Variants in ZBTB7C observed in about 807,000 individuals in gnomAD.
ZBTB7C encodes zinc finger and BTB domain containing 7C, also known as zinc finger and BTB domain-containing protein 7C.
ZBTB7C carries 8 observed loss-of-function variants against 25.7 expected under a neutral mutation model. That is an observed-to-expected ratio of 0.31 (90% CI 0.18 to 0.56). The LOEUF (loss-of-function observed/expected upper bound fraction) is 0.56, where lower values mean the gene tolerates loss of function less well. Ranked by LOEUF, ZBTB7C falls within the 20% of genes least tolerant of loss-of-function variation. The probability of loss-of-function intolerance (pLI) is 0.91; values close to 1 mark genes in which losing one functional copy is unlikely to be tolerated. For missense variants in ZBTB7C, 824 were observed against 855.2 expected (o/e 0.96, Z 0.46); for synonymous variants, 394 against 369.0 (o/e 1.07, Z -0.78).
At chr18:48,117,394 TCA>T (rs755206304) in intron 3 of ZBTB7C, among the ~76,000 whole-genome samples, 4 of 152,106 alleles carry the variant, frequency 2.6e-5, no homozygotes, top group Non-Finnish European at 5.9e-5. Flanking sequence ...TCACTTAATC[TCA>T]CTGTCTCAGT....
At chr18:48,122,726 T>C (rs992836661) in intron 3 of ZBTB7C, among the ~76,000 whole-genome samples, 1 of 152,132 alleles carries the variant, frequency 6.6e-6, no homozygotes, top group African/African-American at 2.4e-5. Context: ...ACTAGCTACT[T>C]TGGGCTTCCG....
intron 2 of ZBTB7C, among the ~76,000 whole-genome samples, chr18:48,302,991 C>A (rs1031834135): frequency 5.9e-5 from 9 of 152,214 alleles, no homozygotes; most frequent in Admixed American, 3.3e-4. Flanking sequence ...AGGATGGAAG[C>A]GGCATTGGAC....
intron 2 of ZBTB7C, among the ~76,000 whole-genome samples, chr18:48,208,652 T>C (rs570518872): frequency 8.5e-5 from 13 of 152,314 alleles, no homozygotes; most frequent in Admixed American, 2.6e-4. Context: ...TTTGTCAGCC[T>C]TTCTTCTCAT....
chr18:48,147,151 C>T (rs2040519198), intron 3 of ZBTB7C, among the ~76,000 whole-genome samples: 1 of 152,178 alleles, frequency 6.6e-6, no homozygotes, highest in Admixed American at 6.5e-5. Context: ...CATCTCGGCT[C>T]ACTGCAACCT....
intron 1 of ZBTB7C, among the ~76,000 whole-genome samples, chr18:48,395,460 AATGTGTGT>A (rs2048008240): frequency 3.6e-5 from 2 of 55,372 alleles, no homozygotes; most frequent in Non-Finnish European, 6.3e-5. Context: ...GTTCTATTCA[AATGTGTGT>A]GTGTGTGTGT....
At chr18:48,191,127 C>T (rs929835840) in intron 2 of ZBTB7C, among the ~76,000 whole-genome samples, 2 of 152,214 alleles carry the variant, frequency 1.3e-5, no homozygotes, top group Non-Finnish European at 2.9e-5. Flanking sequence ...CCTGCACACA[C>T]CCACCTTGCA....
chr18:48,408,135 G>A (rs13381350), intron 1 of ZBTB7C, among the ~76,000 whole-genome samples: 12,328 of 152,226 alleles, frequency 0.081, 760 homozygotes, highest in African/African-American at 0.17. Context: ...GGCAGCGCAC[G>A]CCACCCACCC....
intron 3 of ZBTB7C, among the ~76,000 whole-genome samples, chr18:48,119,501 T>G (rs1007219328): frequency 6.6e-6 from 1 of 152,276 alleles, no homozygotes; most frequent in Admixed American, 6.5e-5. Flanking sequence ...TCCAACAAAG[T>G]GCACTTGGAG....
rs1409327064 is a variant in ZBTB7C, at chr18:48,165,231, T to C, written c.-17+20703A>G. 5 of 731,826 alleles carry C rather than the reference T, an allele frequency of 6.8e-6. No homozygotes were observed. In the African/African-American group the frequency reaches 9.1e-5, roughly 13 times the overall value. 45.3% of individuals were successfully genotyped at this position (731,826 alleles called of 1,614,324 possible). A position where few individuals can be genotyped will look rare whatever the true frequency, so the allele number is the denominator to read the frequency against. On this transcript the variant is annotated intron_variant, in intron 3 of 4. Coordinates refer to ENST00000590800, the MANE Select transcript of ZBTB7C (RefSeq NM_001318841.2). ...TTAGAGGAGAGCTCCCAGCCTCCTG[T>C]TGGCCCACAGCTTAGAGCAGCTCTG...
At chr18:48,168,621 T>C (rs2041352905) in intron 3 of ZBTB7C, among the ~76,000 whole-genome samples, 1 of 152,182 alleles carries the variant, frequency 6.6e-6, no homozygotes, top group Non-Finnish European at 1.5e-5. Flanking sequence ...TCTTAGGTGC[T>C]GAAGAAGAAA....
chr18:48,194,573 A>G (rs2042273261), intron 2 of ZBTB7C, among the ~76,000 whole-genome samples: 2 of 151,596 alleles, frequency 1.3e-5, no homozygotes, highest in South Asian at 4.2e-4. Context: ...AGAGGCTTGC[A>G]GGATGGGGAG....
chr18:48,248,604 T>C (rs1487303904), intron 2 of ZBTB7C, among the ~76,000 whole-genome samples: 1 of 152,226 alleles, frequency 6.6e-6, no homozygotes, highest in Non-Finnish European at 1.5e-5. Flanking sequence ...ATTAGTTATG[T>C]TTTTGCTTAT....
chr18:48,317,463 C>A (rs980055304), intron 2 of ZBTB7C, among the ~76,000 whole-genome samples: 5 of 152,128 alleles, frequency 3.3e-5, no homozygotes, highest in African/African-American at 1.2e-4. Flanking sequence ...CCTAGGCCAG[C>A]CTCACCCCGA....
chr18:48,299,001 C>T (rs543079274), intron 2 of ZBTB7C, among the ~76,000 whole-genome samples: 22 of 152,336 alleles, frequency 1.4e-4, no homozygotes, highest in African/African-American at 5.0e-4. Flanking sequence ...TCACCATATT[C>T]TCCTCTAAGG....
chr18:48,260,071 CTT>C (rs1161682192), intron 2 of ZBTB7C, among the ~76,000 whole-genome samples: 1 of 152,146 alleles, frequency 6.6e-6, no homozygotes, highest in Non-Finnish European at 1.5e-5. Flanking sequence ...TTCATAGAAA[CTT>C]TATTTGTAAT....
chr18:48,044,117 C>T (rs2036372769), intron 3 of ZBTB7C, among the ~76,000 whole-genome samples: 1 of 152,196 alleles, frequency 6.6e-6, no homozygotes, highest in African/African-American at 2.4e-5. Flanking sequence ...TTCTGAGTGG[C>T]CCCGTTGAAC....
intron 2 of ZBTB7C, among the ~76,000 whole-genome samples, chr18:48,272,749 T>C (rs1420740687): frequency 6.6e-6 from 1 of 152,136 alleles, no homozygotes; most frequent in Non-Finnish European, 1.5e-5. Context: ...AGTGGAAACA[T>C]CCAAATGTCC....
At chr18:48,299,630 C>T (rs973868539) in intron 2 of ZBTB7C, among the ~76,000 whole-genome samples, 1 of 152,120 alleles carries the variant, frequency 6.6e-6, no homozygotes, top group African/African-American at 2.4e-5. Flanking sequence ...GCAGACTGGA[C>T]AAAAACCAGT....
intron 3 of ZBTB7C, among the ~76,000 whole-genome samples, chr18:48,090,347 A>G (rs1431511469): frequency 6.6e-6 from 1 of 152,204 alleles, no homozygotes; most frequent in Non-Finnish European, 1.5e-5. Context: ...TGGGGTTCCA[A>G]TCGCTATCAA....
Sources: allele counts gnomAD v4.1 joint callset (sites outside exome capture counted in the v4.1 genomes callset), GRCh38; gene constraint gnomAD v4.1.1; transcripts MANE v1.5; gene names NCBI Gene and HGNC (gene_info 2026-07-23, HGNC 2026-07-21).